Variants in XKR9 observed in about 807,000 individuals in gnomAD.
The protein encoded by XKR9 is XK-related protein 9.
XKR9 carries 32 observed loss-of-function variants against 32.0 expected under a neutral mutation model. The ratio of observed to expected loss-of-function variants is 1.00; its 90% CI spans 0.76 to 1.34. The LOEUF is 1.34. Among genes scored for constraint, XKR9 ranks in the 40% most tolerant of loss-of-function variants. The pLI, the probability that XKR9 is intolerant of heterozygous loss-of-function variation, is 0.00. For missense variants in XKR9, 546 were observed against 429.7 expected (o/e 1.27, Z -2.39); for synonymous variants, 168 against 143.4 (o/e 1.17, Z -1.22).
intron 3 of XKR9, among the ~76,000 whole-genome samples, chr8:70,698,763 CT>C (rs1805391915): frequency 6.6e-6 from 1 of 152,148 alleles, no homozygotes; most frequent in Admixed American, 6.5e-5. Flanking sequence ...TCTTGTTGAT[CT>C]GTCTAATGTT....
the XKR9 span, among the ~76,000 whole-genome samples, chr8:70,923,131 G>C: frequency 6.6e-6 from 1 of 152,214 alleles, no homozygotes; most frequent in South Asian, 2.1e-4. Context: ...AGACCAGAAG[G>C]CTCTCTATGA....
At chr8:71,002,097 T>A in the XKR9 span, among the ~76,000 whole-genome samples, 1 of 152,308 alleles carries the variant, frequency 6.6e-6, no homozygotes, top group Non-Finnish European at 1.5e-5. Flanking sequence ...AAGTCTTTAA[T>A]TGAATACTGG....
the XKR9 span, among the ~76,000 whole-genome samples, chr8:71,054,775 C>T: frequency 6.6e-6 from 1 of 151,938 alleles, no homozygotes; most frequent in African/African-American, 2.4e-5. Context: ...TCCTTGGATT[C>T]TTTATTATTT....
At chr8:70,886,006 C>T in the XKR9 span, among the ~76,000 whole-genome samples, 3 of 152,182 alleles carry the variant, frequency 2.0e-5, no homozygotes. Flanking sequence ...CCATCACCGA[C>T]ATTAGGTATT....
chr8:70,773,895 CT>C, intron 2 of XKR9, among the ~76,000 whole-genome samples: 1 of 152,274 alleles, frequency 6.6e-6, no homozygotes, highest in African/African-American at 2.4e-5. Flanking sequence ...ATAGGGTCAT[CT>C]TCATGTAGAT....
chr8:70,958,550 G>A, the XKR9 span, among the ~76,000 whole-genome samples: 5 of 152,110 alleles, frequency 3.3e-5, no homozygotes, highest in African/African-American at 1.2e-4. Context: ...TAATGGGGTT[G>A]TTTTTATCTT....
chr8:70,748,237 C>A (rs1348355909), intron 2 of XKR9, among the ~76,000 whole-genome samples: 2 of 152,220 alleles, frequency 1.3e-5, no homozygotes, highest in Admixed American at 6.5e-5. Context: ...AGCCCTGCCC[C>A]CTACTGAGTC....
chr8:70,950,249 A>G, the XKR9 span, among the ~76,000 whole-genome samples: 2 of 152,196 alleles, frequency 1.3e-5, no homozygotes, highest in Non-Finnish European at 2.9e-5. Flanking sequence ...AATTTTACAC[A>G]GTTGTAAAAT....
the XKR9 span, among the ~76,000 whole-genome samples, chr8:70,975,495 C>G: frequency 4.6e-5 from 7 of 152,030 alleles, no homozygotes; most frequent in South Asian, 4.1e-4. Flanking sequence ...TTATTAAATA[C>G]GGAATCCTTT....
the XKR9 span, among the ~76,000 whole-genome samples, chr8:70,843,536 G>T: frequency 2.0e-5 from 3 of 152,124 alleles, no homozygotes; most frequent in Non-Finnish European, 2.9e-5. Flanking sequence ...ACTTCAAATA[G>T]ATCTTCTAAG....
the XKR9 span, among the ~76,000 whole-genome samples, chr8:70,892,192 T>C: frequency 6.6e-6 from 1 of 152,102 alleles, no homozygotes; most frequent in Non-Finnish European, 1.5e-5. Flanking sequence ...GTTAGGTCAC[T>C]TAAAATCCAT....
chr8:70,813,865 C>T, the XKR9 span, among the ~76,000 whole-genome samples: 7 of 152,296 alleles, frequency 4.6e-5, no homozygotes, highest in East Asian at 5.8e-4. Context: ...CTAGTTCAAC[C>T]ATTGTGGAAG....
chr8:70,758,314 T>G (rs1807258552), intron 2 of XKR9, among the ~76,000 whole-genome samples: 1 of 152,196 alleles, frequency 6.6e-6, no homozygotes, highest in Non-Finnish European at 1.5e-5. Flanking sequence ...ACTTAGCTGG[T>G]AAACTCCAAT....
At chr8:70,906,614 G>A in the XKR9 span, among the ~76,000 whole-genome samples, 1 of 152,106 alleles carries the variant, frequency 6.6e-6, no homozygotes, top group African/African-American at 2.4e-5. Flanking sequence ...TTTGCTCAAA[G>A]GTAAACACTT....
At chr8:71,032,272 A>T in the XKR9 span, among the ~76,000 whole-genome samples, 1 of 118,618 alleles carries the variant, frequency 8.4e-6, no homozygotes, top group African/African-American at 3.3e-5. Flanking sequence ...TGACAGAGTG[A>T]GACTCTGTCA....
chr8:70,823,630 G>A, the XKR9 span, among the ~76,000 whole-genome samples: 4 of 152,146 alleles, frequency 2.6e-5, no homozygotes, highest in East Asian at 1.9e-4. Context: ...CAGGAGATTC[G>A]AACTTTTGGT....
chr8:70,674,327 A>C (rs548188850), intron 1 of XKR9, among the ~76,000 whole-genome samples: 1 of 152,240 alleles, frequency 6.6e-6, no homozygotes, highest in African/African-American at 2.4e-5. Context: ...ATTTCATCAG[A>C]TAGATGGCAG....
the XKR9 span, among the ~76,000 whole-genome samples, chr8:70,996,041 G>C: frequency 6.6e-6 from 1 of 151,848 alleles, no homozygotes; most frequent in African/African-American, 2.4e-5. Flanking sequence ...CTTGTGTAGG[G>C]GAAAAAAACA....
the XKR9 span, among the ~76,000 whole-genome samples, chr8:70,835,706 G>A: frequency 6.6e-6 from 1 of 151,968 alleles, no homozygotes; most frequent in Non-Finnish European, 1.5e-5. Context: ...TGTAAGTTAA[G>A]CAACTACTTT....
Sources: gnomAD v4.1 joint callset for allele counts (sites outside exome capture counted in the v4.1 genomes callset) on GRCh38, gnomAD v4.1.1 for gene constraint, MANE v1.5 for transcripts, NCBI Gene and HGNC (gene_info 2026-07-23, HGNC 2026-07-21) for gene names.